ZNG1A: variants seen among roughly 807,000 people sequenced by gnomAD.
ZNG1A encodes Zn regulated GTPase metalloprotein activator 1A.
the ZNG1A span, among the ~76,000 whole-genome samples, chr9:126,742 G>C: frequency 6.6e-6 from 1 of 151,692 alleles, no homozygotes; most frequent in Non-Finnish European, 1.5e-5. Context: ...CTTCTGCTGG[G>C]TTTGTTCTTG....
the ZNG1A span, among the ~76,000 whole-genome samples, chr9:130,767 G>T: frequency 7.1e-6 from 1 of 141,450 alleles, no homozygotes; most frequent in Non-Finnish European, 1.5e-5. Flanking sequence ...GCTTTTATCA[G>T]GTTAAATATG....
chr9:160,006 C>T, the ZNG1A span: 8 of 452,136 alleles, frequency 1.8e-5, no homozygotes, highest in Admixed American at 7.1e-5. Flanking sequence ...TTGACCTTCT[C>T]TGGGTAACTT....
the ZNG1A span, chr9:164,013 A>T: frequency 6.3e-7 from 1 of 1,597,370 alleles, no homozygotes; most frequent in Non-Finnish European, 8.5e-7. Flanking sequence ...TTCAGCATCA[A>T]CCCAAAACAT....
At chr9:148,839 G>C in the ZNG1A span, 4 of 148,292 alleles carry the variant, frequency 2.7e-5, no homozygotes, top group African/African-American at 1.0e-4. Flanking sequence ...TCTCCAAGGT[G>C]GGGGTGGAAT....
chr9:151,067 G>C, the ZNG1A span: 1 of 985,218 alleles, frequency 1.0e-6, no homozygotes, highest in Non-Finnish European at 1.2e-6. Context: ...GATTATCAGA[G>C]ACTTTCTACA....
At chr9:136,913 A>G in the ZNG1A span, among the ~76,000 whole-genome samples, 1 of 150,652 alleles carries the variant, frequency 6.6e-6, no homozygotes, top group Non-Finnish European at 1.5e-5. Flanking sequence ...GCATGGGTGC[A>G]AGCCTGTAGT....
At chr9:159,490 G>A in the ZNG1A span, among the ~76,000 whole-genome samples, 3 of 152,198 alleles carry the variant, frequency 2.0e-5, no homozygotes, top group Non-Finnish European at 2.9e-5. Context: ...TAACTAGCTC[G>A]ATTGTTTTAT....
At chr9:140,687 G>C in the ZNG1A span, among the ~76,000 whole-genome samples, 2 of 151,626 alleles carry the variant, frequency 1.3e-5, no homozygotes, top group Non-Finnish European at 1.5e-5. Flanking sequence ...CAAAGCTGGA[G>C]GGAGAATGAC....
chr9:125,564 C>T, the ZNG1A span, among the ~76,000 whole-genome samples: 3 of 146,140 alleles, frequency 2.1e-5, no homozygotes, highest in African/African-American at 7.6e-5. Flanking sequence ...TAATTAAGTC[C>T]CAGCTATTTA....
chr9:157,025 C>A, the ZNG1A span, among the ~76,000 whole-genome samples: 9 of 135,306 alleles, frequency 6.7e-5, no homozygotes, highest in Admixed American at 6.1e-4. Context: ...CCCCAGCCCA[C>A]AATCATGCAC....
chr9:157,230 C>A, the ZNG1A span, among the ~76,000 whole-genome samples: 1 of 145,732 alleles, frequency 6.9e-6, no homozygotes, highest in Non-Finnish European at 1.5e-5. Context: ...TATTTTGACA[C>A]TGACTTAGAG....
At chr9:141,502 G>C in the ZNG1A span, among the ~76,000 whole-genome samples, 2 of 149,500 alleles carry the variant, frequency 1.3e-5, no homozygotes, top group African/African-American at 5.0e-5. Flanking sequence ...GAGAGATTTT[G>C]TCACCACCAG....
chr9:128,085 A>T, the ZNG1A span, among the ~76,000 whole-genome samples: 108 of 152,132 alleles, frequency 7.1e-4, no homozygotes, highest in African/African-American at 2.4e-3. Context: ...TTTCCTTTAC[A>T]GGTTACCTGC....
chr9:141,343 T>C, the ZNG1A span, among the ~76,000 whole-genome samples: 1 of 146,080 alleles, frequency 6.8e-6, no homozygotes, highest in African/African-American at 2.6e-5. Context: ...AGCGGATCTC[T>C]TGGCAGAAAC....
At chr9:171,782 G>A in the ZNG1A span, 4 of 375,016 alleles carry the variant, frequency 1.1e-5, no homozygotes, top group East Asian at 1.2e-4. Flanking sequence ...GAGGTAGAAC[G>A]TCTCTGCTCT....
At chr9:129,429 G>A in the ZNG1A span, among the ~76,000 whole-genome samples, 1 of 149,968 alleles carries the variant, frequency 6.7e-6, no homozygotes, top group Non-Finnish European at 1.5e-5. Flanking sequence ...TAAATGTCCA[G>A]GACAGTTGAA....
At chr9:159,798 A>AT in the ZNG1A span, among the ~76,000 whole-genome samples, 3 of 152,076 alleles carry the variant, frequency 2.0e-5, no homozygotes, top group Non-Finnish European at 2.9e-5. Context: ...GTCTGGTGTC[A>AT]TTTTTAAAAA....
chr9:140,358 G>A, the ZNG1A span, among the ~76,000 whole-genome samples: 6 of 151,208 alleles, frequency 4.0e-5, no homozygotes, highest in African/African-American at 1.2e-4. Context: ...CCTGACCCCT[G>A]ACCCCCGAGC....
chr9:158,935 A>C, the ZNG1A span, among the ~76,000 whole-genome samples: 1 of 152,150 alleles, frequency 6.6e-6, no homozygotes, highest in Non-Finnish European at 1.5e-5. Context: ...CAAACTCTGC[A>C]AAAAGTATAA....
Sources: allele counts gnomAD v4.1 joint callset (sites outside exome capture counted in the v4.1 genomes callset), GRCh38; gene constraint gnomAD v4.1.1; transcripts MANE v1.5; gene names NCBI Gene and HGNC (gene_info 2026-07-23, HGNC 2026-07-21).